The following RPL26 variants were observed in gnomAD, a reference collection of about 807,000 sequenced individuals.
RPL26 encodes the protein ribosomal protein L26, also known as large ribosomal subunit protein uL24.
RPL26 carries 1 observed loss-of-function variant against 16.2 expected under a neutral mutation model. The ratio of observed to expected loss-of-function variants is 0.06; its 90% confidence interval spans 0.02 to 0.29. RPL26 has a LOEUF of 0.29. Ranked by LOEUF, RPL26 falls within the 10% of genes least tolerant of loss-of-function variation. RPL26 has a pLI of 1.00. For missense variants in RPL26, 102 were observed against 184.3 expected, an observed-to-expected ratio of 0.55 and a Z score of 2.58; for synonymous variants, 55 against 62.4, an observed-to-expected ratio of 0.88 and a Z score of 0.56.
intron 3 of RPL26, chr17:8,379,527 T>C (rs1224720789): frequency 1.9e-6 from 1 of 538,504 alleles, no homozygotes; most frequent in South Asian, 2.7e-5. Context: ...TGAGCCGAGA[T>C]TGTGCCACTG....
At chr17:8,381,903 TG>T (rs532413465) in intron 2 of RPL26, 18 of 346,302 alleles carry the variant, frequency 5.2e-5, no homozygotes, top group East Asian at 2.5e-4. Context: ...CACTCCAGCC[TG>T]GGGGGGACAA....
At chr17:8,378,821 G>T (rs186716789) in intron 3 of RPL26, among the ~76,000 whole-genome samples, 39 of 152,336 alleles carry the variant, frequency 2.6e-4, no homozygotes, top group African/African-American at 9.1e-4. Flanking sequence ...CTTTGATAGA[G>T]TAAGAAGGCA....
chr17:8,382,831 G>A, intron 1 of RPL26: 1 of 389,026 alleles, frequency 2.6e-6, no homozygotes, highest in Non-Finnish European at 4.5e-6. Flanking sequence ...CAGTGGGCAA[G>A]TGTGGTCTGG....
intron 2 of RPL26, 146 bp from the exon 3 acceptor site, chr17:8,380,082 T>C (rs1348468578): frequency 1.6e-6 from 1 of 623,270 alleles, no homozygotes; most frequent in African/African-American, 1.8e-5. Flanking sequence ...TGTAAGAAGT[T>C]GACAACAAGG....
chr17:8,383,107 C>T (rs1442889985), intron 1 of RPL26, 50 bp downstream of exon 1: 3 of 398,662 alleles, frequency 7.5e-6, no homozygotes, highest in Non-Finnish European at 1.3e-5. Flanking sequence ...GCCACCATGC[C>T]CAAGAACGGA....
At position 8,379,781 on chromosome 17, in the gene RPL26, C is replaced by T. The variant is rs1157071019; in HGVS notation, c.309+15G>A. On this transcript the variant is annotated intron_variant, in intron 3 of 3. Coordinates refer to ENST00000648839, the MANE Select transcript of RPL26 (RefSeq NM_000987.5). ...CCATAATTTCCTTCTCTCAAGCATTCTCAAAAACACCTACCTTGCTGGGGT... is the reference window on the plus strand; with the variant it reads ...CCATAATTTCCTTCTCTCAAGCATTTTCAAAAACACCTACCTTGCTGGGGT... 9 of 1,610,356 alleles carry T rather than the reference C, an allele frequency of 5.6e-6. No homozygotes were observed. The Admixed American group carries it at 1.5e-4, about 27-fold the overall frequency.
chr17:8,377,597 G>T lies in RPL26; in HGVS notation c.405C>A (p.Tyr135Ter). The change falls in exon 4 of 4, where the codon TAC (tyrosine) becomes TAA (stop). Residue 135 changes from tyrosine to a stop codon, truncating the protein, a stop_gained. Transcript: ENST00000648839. LOFTEE classifies it high-confidence loss of function. ...GCATCTTCTCAATGGTTTCTTCCTT[G>T]TATTTGCCCTTTTCCTTTCCTACTT... The part of the protein sequence containing the change: ...SRQVGKEKGK[Y>*]KEETIEKMQE The T allele has an allele frequency of 6.2e-7, 1 of 1,602,918 alleles. No homozygotes were observed. Among genetic ancestry groups the T allele is most frequent in the Non-Finnish European group, 8.5e-7 (1 of 1,179,082 alleles).
chr17:8,381,010 T>C (rs2151674461), intron 2 of RPL26: 1 of 140,234 alleles, frequency 7.1e-6, no homozygotes, highest in African/African-American at 2.8e-5. Flanking sequence ...TAACACACTG[T>C]AAAGCCTAAG....
At chr17:8,382,625 A>C (rs990158663) in intron 1 of RPL26, 2 of 352,764 alleles carry the variant, frequency 5.7e-6, no homozygotes, top group Non-Finnish European at 1.0e-5. Context: ...TGAGGAAATC[A>C]AGACTGGACT....
chr17:8,382,136 T>C lies in RPL26; in HGVS notation c.168+7A>G. On this transcript the variant is annotated splice_region_variant and intron_variant, in intron 2 of 3. Transcript: ENST00000648839. Reference sequence around the variant, plus strand: ...TCAAGACAACGAGAACAAGTAGGGATACACACCTGAACTTCATCATCCTTT... The same window carrying C: ...TCAAGACAACGAGAACAAGTAGGGACACACACCTGAACTTCATCATCCTTT... 2 of 1,611,380 alleles carry C rather than the reference T, an allele frequency of 1.2e-6. No individual in the cohort carries two copies. The highest frequency in any genetic ancestry group is 1.7e-6 in the Non-Finnish European group (2 of 1,178,074).
intron 3 of RPL26, among the ~76,000 whole-genome samples, chr17:8,378,915 T>A (rs763658270): frequency 1.3e-5 from 2 of 152,132 alleles, no homozygotes; most frequent in Non-Finnish European, 2.9e-5. Flanking sequence ...GAGCAATCTA[T>A]CTATGCACAG....
chr17:8,382,554 A>G, intron 1 of RPL26: 1 of 455,552 alleles, frequency 2.2e-6, no homozygotes, highest in Non-Finnish European at 3.9e-6. Context: ...TTTGCATCAA[A>G]AACACTTGTC....
At chr17:8,378,515 A>C (rs1907261732) in intron 3 of RPL26, among the ~76,000 whole-genome samples, 1 of 145,236 alleles carries the variant, frequency 6.9e-6, no homozygotes, top group African/African-American at 2.5e-5. Context: ...CCCCACCCCC[A>C]AACAGAAAAA....
chr17:8,380,908 G>T (rs1366825812), intron 2 of RPL26: 1 of 152,194 alleles, frequency 6.6e-6, no homozygotes, highest in Admixed American at 6.5e-5. Flanking sequence ...TCTTGCCTGG[G>T]TACCAGACTG....
intron 3 of RPL26, among the ~76,000 whole-genome samples, chr17:8,378,265 G>C (rs973939460): frequency 1.3e-5 from 2 of 151,396 alleles, no homozygotes; most frequent in Non-Finnish European, 3.0e-5. Context: ...CTGGGGGGGC[G>C]GAGGCTGCAG....
rs781337048 is a variant in RPL26 at position 8,377,704 on chromosome 17, T to C, written c.310-12A>G. 1 of 1,594,174 alleles carries C rather than the reference T, an allele frequency of 6.3e-7. No homozygotes were observed. Among genetic ancestry groups the C allele is most frequent in the South Asian group, 1.1e-5 (1 of 88,478 alleles). On this transcript the variant is annotated splice_polypyrimidine_tract_variant and intron_variant, in intron 3 of 3. Transcript: ENST00000648839. ...CTAGTGATAACCACCTGCAGAAAAA[T>C]AAGAAAAAAACACTCCCAAGCTTTA...
intron 3 of RPL26, among the ~76,000 whole-genome samples, chr17:8,378,059 G>A (rs1028414115): frequency 3.9e-5 from 6 of 152,194 alleles, no homozygotes; most frequent in Non-Finnish European, 7.3e-5. Flanking sequence ...GGCTGGGTGC[G>A]GTGGTTCATG....
intron 3 of RPL26, among the ~76,000 whole-genome samples, chr17:8,378,621 G>A (rs1454581073): frequency 3.3e-5 from 5 of 152,090 alleles, no homozygotes; most frequent in Admixed American, 2.6e-4. Context: ...ATGACAATAC[G>A]ATCTTACTCC....
Position 8,377,610 on chromosome 17 carries a change from T to A in RPL26, c.392A>T (p.Glu131Val). Residue 131 changes from glutamate to valine, a missense_variant, in exon 4 of 4, where the codon GAA becomes GTA. Physicochemically the swap from Glu to Val is moderately radical, Grantham distance 121. Transcript: ENST00000648839. ...GGTTTCTTCCTTGTATTTGCCCTTT[T>A]CCTTTCCTACTTGGCGAGATTTGGC... is the stretch of plus-strand genomic sequence containing the variant. ...RKAKSRQVGK[E>V]KGKYKEETIE... The A allele has an allele frequency of 1.2e-6, 2 of 1,606,746 alleles. No homozygotes were observed.
Sources: gnomAD v4.1 joint callset for allele counts (sites outside exome capture counted in the v4.1 genomes callset) on GRCh38, gnomAD v4.1.1 for gene constraint, MANE v1.5 for transcripts, NCBI Gene and HGNC (gene_info 2026-07-23, HGNC 2026-07-21) for gene names.